AK5: variants seen among roughly 807,000 people sequenced by gnomAD.
The protein encoded by AK5 is adenylate kinase 5, also known as adenylate kinase isoenzyme 5.
A neutral mutation model predicts 69.5 loss-of-function variants in AK5; 27 were observed. The observed-to-expected ratio is 0.39, with a 90% confidence interval of 0.29 to 0.54. The LOEUF (loss-of-function observed/expected upper bound fraction) is 0.54, where lower values mean the gene tolerates loss of function less well. AK5 is among the 20% of genes least tolerant of loss of function. The pLI is 0.71. For missense variants in AK5, 531 were observed against 700.4 expected (o/e 0.76, Z 2.73); for synonymous variants, 260 against 244.4 (o/e 1.06, Z -0.60).
intron 10 of AK5, among the ~76,000 whole-genome samples, chr1:77,504,100 A>G (rs1406034344): frequency 6.6e-6 from 1 of 152,166 alleles, no homozygotes; most frequent in Non-Finnish European, 1.5e-5. Flanking sequence ...CCTCAAGAGC[A>G]GAGTGCTATC....
intron 5 of AK5, among the ~76,000 whole-genome samples, chr1:77,331,601 A>ATATTG (rs1661089659): frequency 6.6e-6 from 1 of 152,162 alleles, no homozygotes; most frequent in Admixed American, 6.5e-5. Flanking sequence ...TCCTTTTTAT[A>ATATTG]TATTGACAGA....
In AK5 at chr1:77,349,390, G is replaced by A. The variant is rs1285772573; in HGVS notation, c.891+8822G>A. 2.0e-5 allele frequency: 3 copies of A among 152,098 alleles called. No homozygotes were observed. In the East Asian group the frequency reaches 5.8e-4, roughly 29 times the overall value. The allele number at this position is 152,098 out of a possible 1,614,324, so 9.4% of individuals were successfully genotyped here. On this transcript the variant is annotated intron_variant, in intron 6 of 13. Transcript: ENST00000354567. ...CAGATACTATTATTATCTCCATTTT[G>A]TAAATGAGAAAAACGAAAGCACATG...
intron 10 of AK5, among the ~76,000 whole-genome samples, chr1:77,499,850 A>AGTC (rs1284651709): frequency 1.4e-5 from 2 of 140,702 alleles, no homozygotes; most frequent in African/African-American, 5.3e-5. Context: ...CCTAGATGAC[A>AGTC]GAGACCATGC....
At chr1:77,460,754 C>T (rs527407464) in intron 8 of AK5, among the ~76,000 whole-genome samples, 45 of 152,048 alleles carry the variant, frequency 3.0e-4, no homozygotes, top group African/African-American at 1.1e-3. Context: ...GACAGAGTCT[C>T]ACCCTGTCAC....
intron 10 of AK5, among the ~76,000 whole-genome samples, chr1:77,489,613 A>G (rs1231380179): frequency 1.3e-5 from 2 of 152,154 alleles, no homozygotes; most frequent in Non-Finnish European, 2.9e-5. Flanking sequence ...AGATGACTGG[A>G]TTGTCACTTT....
intron 11 of AK5, 94 bp downstream of exon 11, chr1:77,518,821 A>C: frequency 8.0e-7 from 1 of 1,253,544 alleles, no homozygotes; most frequent in Non-Finnish European, 1.1e-6. Flanking sequence ...GAACTAAGAA[A>C]CCCAAAGAAA....
intron 8 of AK5, among the ~76,000 whole-genome samples, chr1:77,426,082 G>A (rs1461080126): frequency 6.6e-6 from 1 of 152,052 alleles, no homozygotes; most frequent in African/African-American, 2.4e-5. Flanking sequence ...AAGAACAAAA[G>A]CAACAAATAG....
At chr1:77,298,699 C>G (rs189063391) in intron 5 of AK5, among the ~76,000 whole-genome samples, 53 of 151,420 alleles carry the variant, frequency 3.5e-4, no homozygotes, top group Non-Finnish European at 4.4e-4. Flanking sequence ...TGGCGCACAC[C>G]TATAGGCCCA....
intron 13 of AK5, among the ~76,000 whole-genome samples, chr1:77,546,665 G>A (rs192140040): frequency 1.1e-3 from 175 of 152,230 alleles, no homozygotes; most frequent in African/African-American, 4.1e-3. Context: ...AGCTGAGATC[G>A]CGCCACTGCA....
At chr1:77,391,523 A>C (rs1017163788) in intron 6 of AK5, among the ~76,000 whole-genome samples, 2 of 128,002 alleles carry the variant, frequency 1.6e-5, no homozygotes, top group African/African-American at 5.7e-5. Flanking sequence ...ATATATATAT[A>C]TATATCTCCT....
intron 5 of AK5, among the ~76,000 whole-genome samples, chr1:77,330,423 A>G (rs1330883217): frequency 2.0e-5 from 3 of 151,636 alleles, no homozygotes; most frequent in Non-Finnish European, 1.5e-5. Flanking sequence ...TGCATATCAT[A>G]TAATGTAGGG....
chr1:77,423,829 G>GAAA (rs35473006), intron 8 of AK5, among the ~76,000 whole-genome samples: 1 of 149,304 alleles, frequency 6.7e-6, no homozygotes. Context: ...CGTGGGAGGA[G>GAAA]AAAAAAAAAA....
intron 10 of AK5, among the ~76,000 whole-genome samples, chr1:77,510,881 C>T (rs1362155616): frequency 6.6e-6 from 1 of 151,384 alleles, no homozygotes; most frequent in Non-Finnish European, 1.5e-5. Context: ...ATATATCATA[C>T]ATATAAACTA....
At chr1:77,309,575 A>G (rs995887638) in intron 5 of AK5, among the ~76,000 whole-genome samples, 2 of 152,134 alleles carry the variant, frequency 1.3e-5, no homozygotes, top group Admixed American at 6.5e-5. Flanking sequence ...CACTCTATAA[A>G]TACATTATAT....
chr1:77,390,374 A>C (rs906082976), intron 6 of AK5, among the ~76,000 whole-genome samples: 1 of 152,236 alleles, frequency 6.6e-6, no homozygotes, highest in Non-Finnish European at 1.5e-5. Flanking sequence ...ATATTTCACT[A>C]TGTGAAAATT....
chr1:77,441,000 T>C (rs1652292417), intron 8 of AK5, among the ~76,000 whole-genome samples: 1 of 152,158 alleles, frequency 6.6e-6, no homozygotes, highest in Admixed American at 6.5e-5. Flanking sequence ...TCACCTGCCT[T>C]GGCCTCCCAA....
At chr1:77,449,794 C>G (rs1653022132) in intron 8 of AK5, among the ~76,000 whole-genome samples, 1 of 152,094 alleles carries the variant, frequency 6.6e-6, no homozygotes. Context: ...GACATTTTCC[C>G]CATTGTCTTG....
At chr1:77,337,725 A>G (rs562223550) in intron 5 of AK5, among the ~76,000 whole-genome samples, 2 of 152,268 alleles carry the variant, frequency 1.3e-5, no homozygotes, top group African/African-American at 4.8e-5. Context: ...AAAAATTGGG[A>G]AATACTAACT....
Position 77,518,722 on chromosome 1 carries a change from C to G in AK5, c.1306C>G (p.Pro436Ala). The part of the protein sequence containing the change: ...RDIMERGDLV[P>A]SGIVLELLKE... ...CATTATGGAACGTGGAGACCTGGTG[C>G]CCTCAGTAAGCAACATGGCCTGACC... Residue 436 changes from proline to alanine, a missense_variant, in exon 11 of 14, where the codon CCC (proline) becomes GCC (alanine). Transcript: ENST00000354567. 1 of 1,613,962 alleles carries G rather than the reference C, an allele frequency of 6.2e-7. No homozygotes were observed. Among genetic ancestry groups the G allele is most frequent in the Non-Finnish European group, 8.5e-7 (1 of 1,179,882 alleles).
Sources: gnomAD v4.1 joint callset for allele counts (sites outside exome capture counted in the v4.1 genomes callset) on GRCh38, gnomAD v4.1.1 for gene constraint, MANE v1.5 for transcripts, NCBI Gene and HGNC (gene_info 2026-07-23, HGNC 2026-07-21) for gene names.